RIN2: variants seen among roughly 807,000 people sequenced by gnomAD.
The protein encoded by RIN2 is RAB5 interacting protein 2.
Under a neutral mutation model 78.0 loss-of-function variants are expected in RIN2, and 36 were observed. The observed-to-expected ratio is 0.46, with a 90% CI of 0.35 to 0.61. RIN2 has a LOEUF of 0.61. Among genes scored for constraint, RIN2 ranks in the 20% least tolerant of loss-of-function variants. The probability of loss-of-function intolerance (pLI) is 0.00; values close to 1 mark genes in which losing one functional copy is unlikely to be tolerated. For missense variants in RIN2, 1,087 were observed against 1,159.7 expected (o/e 0.94, Z 0.91); for synonymous variants, 466 against 466.8 (o/e 1.00, Z 0.02).
chr20:19,971,001 G>A, intron 8 of RIN2, 72 bp downstream of exon 8: 1 of 1,134,964 alleles, frequency 8.8e-7, no homozygotes, highest in Non-Finnish European at 1.3e-6. Flanking sequence ...TGGGCTCACT[G>A]AGGCTACATT....
rs1600510773 is a variant in RIN2, at chr20:19,810,816, C to G, written c.-37+11069C>G. Reference sequence around the variant, plus strand: ...TCACGCCATTCTCCCGCCTCAGCCTCCCAAGTAGCTGGGACTACAGGCACC... The same window carrying G: ...TCACGCCATTCTCCCGCCTCAGCCTGCCAAGTAGCTGGGACTACAGGCACC... On this transcript the variant is annotated intron_variant, in intron 2 of 12. Transcript: ENST00000255006. Among the ~76,000 whole-genome samples the G allele has an allele frequency of 3.3e-5, 5 of 149,886 alleles. No homozygotes were observed. In the South Asian group the frequency reaches 1.1e-3, roughly 32 times the overall value.
At chr20:19,792,213 C>G (rs904155771) in intron 1 of RIN2, among the ~76,000 whole-genome samples, 2 of 152,170 alleles carry the variant, frequency 1.3e-5, no homozygotes, top group South Asian at 2.1e-4. Context: ...TTTGCCTTGG[C>G]TTTTTAGGGT....
intron 1 of RIN2, among the ~76,000 whole-genome samples, chr20:19,775,888 C>A (rs1474883407): frequency 6.6e-6 from 1 of 152,254 alleles, no homozygotes; most frequent in Non-Finnish European, 1.5e-5. Flanking sequence ...GCTGTCAGAG[C>A]CTCCGGCTTC....
chr20:19,847,167 G>A (rs1452126444), intron 2 of RIN2, among the ~76,000 whole-genome samples: 1 of 152,188 alleles, frequency 6.6e-6, no homozygotes, highest in Non-Finnish European at 1.5e-5. Flanking sequence ...AGATCCTCTT[G>A]AGGGATGCTC....
intron 2 of RIN2, among the ~76,000 whole-genome samples, chr20:19,818,637 C>T (rs1184474785): frequency 2.7e-5 from 4 of 150,262 alleles, no homozygotes; most frequent in Admixed American, 6.7e-5. Flanking sequence ...GAGGCTGAGG[C>T]GGGAGAATTG....
chr20:19,860,725 C>A (rs1219339745), intron 2 of RIN2, among the ~76,000 whole-genome samples: 6 of 152,086 alleles, frequency 3.9e-5, no homozygotes, highest in African/African-American at 1.4e-4. Context: ...ATGGTGTGCC[C>A]CTCTCTCTCT....
In RIN2 at chr20:19,863,964, A is replaced by G. The variant is rs993017832; in HGVS notation, c.-36-25602A>G. ...GGTCAGTTTACAACACGCATTCTCA[A>G]CAGGGGCTAGATTGCCCCCAAGAAG... is the stretch of plus-strand genomic sequence containing the variant. On this transcript the variant is annotated intron_variant, in intron 2 of 12. Coordinates refer to ENST00000255006, the MANE Select transcript of RIN2 (RefSeq NM_018993.4). Among the ~76,000 whole-genome samples the G allele has an allele frequency of 7.3e-5, 11 of 149,944 alleles. No homozygotes were observed. The East Asian group carries it at 1.8e-3, about 24-fold the overall frequency.
intron 1 of RIN2, among the ~76,000 whole-genome samples, chr20:19,790,559 AG>A (rs1182937047): frequency 1.1e-4 from 17 of 152,130 alleles, no homozygotes; most frequent in African/African-American, 4.1e-4. Flanking sequence ...CTGGAGGCTG[AG>A]GTAGGAGGAT....
chr20:19,860,294 G>A (rs35035657), intron 2 of RIN2, among the ~76,000 whole-genome samples: 68,583 of 151,758 alleles, frequency 0.45, 16,241 homozygotes, highest in African/African-American at 0.58. Flanking sequence ...TTACATGGGT[G>A]ATTCTTGTTT....
chr20:19,901,520 CT>C (rs1469537054), intron 3 of RIN2, among the ~76,000 whole-genome samples: 3 of 152,328 alleles, frequency 2.0e-5, no homozygotes, highest in African/African-American at 7.2e-5. Context: ...GCTCTTCCCC[CT>C]GCCAACTAAA....
At chr20:19,763,773 C>T (rs1484254291) in intron 1 of RIN2, among the ~76,000 whole-genome samples, 4 of 152,014 alleles carry the variant, frequency 2.6e-5, no homozygotes, top group Non-Finnish European at 5.9e-5. Flanking sequence ...GATTGAGAGC[C>T]CCTGATTCAG....
intron 2 of RIN2, among the ~76,000 whole-genome samples, chr20:19,849,347 C>T (rs553427890): frequency 7.2e-5 from 11 of 152,044 alleles, no homozygotes; most frequent in Non-Finnish European, 1.5e-4. Flanking sequence ...AATGAGAAAG[C>T]GTGGAAACCG....
At chr20:19,976,371 G>C (rs961283598) in intron 9 of RIN2, among the ~76,000 whole-genome samples, 1 of 152,126 alleles carries the variant, frequency 6.6e-6, no homozygotes, top group Non-Finnish European at 1.5e-5. Flanking sequence ...CATCCTGCTG[G>C]CTCCTCATCC....
At chr20:19,916,360 C>T (rs2123763288) in intron 3 of RIN2, among the ~76,000 whole-genome samples, 1 of 152,352 alleles carries the variant, frequency 6.6e-6, no homozygotes, top group Admixed American at 6.5e-5. Context: ...GGCTCACGCC[C>T]ATAATCCTAG....
At chr20:19,819,884 G>C (rs2035878656) in intron 2 of RIN2, among the ~76,000 whole-genome samples, 1 of 152,142 alleles carries the variant, frequency 6.6e-6, no homozygotes, top group Non-Finnish European at 1.5e-5. Context: ...TGAGTGATAA[G>C]TGATCAGAGA....
intron 9 of RIN2, among the ~76,000 whole-genome samples, chr20:19,977,875 G>A (rs1222571250): frequency 6.6e-6 from 1 of 151,952 alleles, no homozygotes; most frequent in Non-Finnish European, 1.5e-5. Context: ...TTAAACTTTT[G>A]CACTAAAAGC....
chr20:19,788,439 A>AAAAAAAAAAACAAAAAAAAAC (rs980089934), intron 1 of RIN2, among the ~76,000 whole-genome samples: 12 of 133,034 alleles, frequency 9.0e-5, no homozygotes, highest in African/African-American at 3.6e-4. Flanking sequence ...TGCCAAAAAA[A>AAAAAAAAAAACAAAAAAAAAC]AAAAAAAAAA....
At chr20:19,785,853 C>A (rs1006257849) in intron 1 of RIN2, among the ~76,000 whole-genome samples, 15 of 152,156 alleles carry the variant, frequency 9.9e-5, no homozygotes, top group Non-Finnish European at 1.5e-5. Context: ...ATAAATGATG[C>A]CGTATTTTAT....
At chr20:19,818,335 C>T (rs1277787162) in intron 2 of RIN2, among the ~76,000 whole-genome samples, 1 of 152,100 alleles carries the variant, frequency 6.6e-6, no homozygotes, top group Admixed American at 6.5e-5. Context: ...TTCAGATGAG[C>T]AAAAATGTAA....
Sources: allele counts gnomAD v4.1 joint callset (sites outside exome capture counted in the v4.1 genomes callset), GRCh38; gene constraint gnomAD v4.1.1; transcripts MANE v1.5; gene names NCBI Gene and HGNC (gene_info 2026-07-23, HGNC 2026-07-21).